Variants in METTL15 observed in about 807,000 individuals in gnomAD.
METTL15 encodes methyltransferase 15, mitochondrial 12S rRNA N4-cytidine, also known as 12S rRNA N(4)-cytidine methyltransferase METTL15.
A neutral mutation model predicts 38.3 loss-of-function variants in METTL15; 34 were observed. The ratio of observed to expected loss-of-function variants is 0.89; its 90% CI spans 0.68 to 1.18. The LOEUF (loss-of-function observed/expected upper bound fraction) is 1.18, where lower values mean the gene tolerates loss of function less well. Ranked by LOEUF, METTL15 falls within the 50% of genes most tolerant of loss-of-function variation. METTL15 has a pLI of 0.00. For missense variants in METTL15, 438 were observed against 498.4 expected (o/e 0.88, Z 1.15); for synonymous variants, 162 against 170.9 (o/e 0.95, Z 0.41).
chr11:28,334,823 A>C (rs1849886282), downstream of METTL15, among the ~76,000 whole-genome samples: 3 of 152,170 alleles, frequency 2.0e-5, no homozygotes, highest in Admixed American at 6.5e-5. Flanking sequence ...AAAATGAAGA[A>C]TTGTACAACA....
At chr11:28,239,404 A>G (rs751954461) in intron 4 of METTL15, among the ~76,000 whole-genome samples, 3 of 152,144 alleles carry the variant, frequency 2.0e-5, no homozygotes, top group Non-Finnish European at 4.4e-5. Context: ...CATTAACTCT[A>G]CCTTCAAGGT....
intron 4 of METTL15, among the ~76,000 whole-genome samples, chr11:28,260,404 C>T (rs1855154812): frequency 6.6e-6 from 1 of 152,148 alleles, no homozygotes; most frequent in Non-Finnish European, 1.5e-5. Flanking sequence ...GTTCTCTATA[C>T]TAGTTATCAT....
Position 28,296,932 on chromosome 11 carries a change from G to T in METTL15, c.778+1G>T, listed in dbSNP as rs763550679. 6.2e-6 allele frequency: 10 copies of T among 1,613,272 alleles called. No homozygotes were observed. Among genetic ancestry groups the T allele is most frequent in the Non-Finnish European group, 8.5e-6 (10 of 1,179,564 alleles). On this transcript the variant is annotated splice_donor_variant, in intron 6 of 6. Coordinates refer to ENST00000407364, the MANE Select transcript of METTL15 (RefSeq NM_001113528.2). LOFTEE classifies it high-confidence loss of function. ...CAGCAGCTTGCCAGCATCGTTGCAGGTAGCCTCATTAATTCTCAACAGTGT... is the reference window on the plus strand; with the variant it reads ...CAGCAGCTTGCCAGCATCGTTGCAGTTAGCCTCATTAATTCTCAACAGTGT...
intron 6 of METTL15, among the ~76,000 whole-genome samples, chr11:28,463,927 A>G (rs934639535): frequency 1.3e-5 from 2 of 152,100 alleles, no homozygotes; most frequent in Non-Finnish European, 2.9e-5. Context: ...GAGTGAAGGC[A>G]AGTGTAATCC....
At chr11:28,348,886 C>A (rs916248582) in intron 3 of METTL15, among the ~76,000 whole-genome samples, 1 of 152,162 alleles carries the variant, frequency 6.6e-6, no homozygotes, top group Non-Finnish European at 1.5e-5. Flanking sequence ...TTGAGTATTT[C>A]CTTTCTTTCT....
At chr11:28,260,576 TC>T (rs1855162212) in intron 4 of METTL15, among the ~76,000 whole-genome samples, 1 of 152,214 alleles carries the variant, frequency 6.6e-6, no homozygotes, top group African/African-American at 2.4e-5. Context: ...GTTGACTGAT[TC>T]GTTCCCAGAG....
chr11:28,508,660 C>G (rs1481998413), intron 6 of METTL15, among the ~76,000 whole-genome samples: 1 of 152,158 alleles, frequency 6.6e-6, no homozygotes, highest in African/African-American at 2.4e-5. Context: ...TTCATGGCCA[C>G]CAACTAATAG....
At chr11:28,249,803 G>A (rs1010263801) in intron 4 of METTL15, among the ~76,000 whole-genome samples, 1 of 151,834 alleles carries the variant, frequency 6.6e-6, no homozygotes, top group African/African-American at 2.4e-5. Flanking sequence ...TGGAGGTTTG[G>A]CGTATAGATT....
chr11:28,315,478 T>A (rs1020308292), intron 6 of METTL15, among the ~76,000 whole-genome samples: 2 of 152,128 alleles, frequency 1.3e-5, no homozygotes, highest in Admixed American at 1.3e-4. Flanking sequence ...AGGCATTCAG[T>A]TTTATAAGAG....
intron 3 of METTL15, among the ~76,000 whole-genome samples, chr11:28,350,241 G>A (rs1850029561): frequency 6.6e-6 from 1 of 152,068 alleles, no homozygotes; most frequent in Admixed American, 6.6e-5. Flanking sequence ...ACAAATTCTT[G>A]TTTCTTCCTT....
chr11:28,257,732 C>A (rs1855031529), intron 4 of METTL15, among the ~76,000 whole-genome samples: 1 of 152,090 alleles, frequency 6.6e-6, no homozygotes, highest in African/African-American at 2.4e-5. Flanking sequence ...ATTTCTGCTT[C>A]TTTTTAATTA....
intron 5 of METTL15, among the ~76,000 whole-genome samples, chr11:28,405,551 C>T (rs1283455875): frequency 2.0e-5 from 3 of 152,098 alleles, no homozygotes; most frequent in Admixed American, 6.6e-5. Context: ...GAAAATGTTC[C>T]ATATAATATT....
intron 3 of METTL15, among the ~76,000 whole-genome samples, chr11:28,169,628 T>G (rs1292374705): frequency 1.3e-5 from 2 of 152,158 alleles, no homozygotes; most frequent in Non-Finnish European, 2.9e-5. Context: ...AAACTTGTTT[T>G]TAACATAAGA....
chr11:28,113,216 T>C (rs910933600), intron 2 of METTL15, 102 bp from the exon 3 acceptor site: 3 of 775,254 alleles, frequency 3.9e-6, no homozygotes, highest in Non-Finnish European at 6.1e-6. Context: ...GTCTTAACTT[T>C]TTTTTGATGT....
chr11:28,175,394 G>A (rs1294336982), intron 3 of METTL15, among the ~76,000 whole-genome samples: 2 of 152,114 alleles, frequency 1.3e-5, no homozygotes, highest in African/African-American at 4.8e-5. Flanking sequence ...TGTGAATAGT[G>A]CTGTAATAAA....
intron 3 of METTL15, among the ~76,000 whole-genome samples, chr11:28,119,961 A>T (rs1439129308): frequency 6.6e-6 from 1 of 151,800 alleles, no homozygotes; most frequent in African/African-American, 2.4e-5. Context: ...ATCTTTTTAA[A>T]TTTTTTTTGA....
At chr11:28,171,636 A>G (rs566609196) in intron 3 of METTL15, among the ~76,000 whole-genome samples, 1 of 152,290 alleles carries the variant, frequency 6.6e-6, no homozygotes, top group African/African-American at 2.4e-5. Flanking sequence ...CATTTGAGCA[A>G]TGCTAAATAT....
intron 6 of METTL15, among the ~76,000 whole-genome samples, chr11:28,319,177 G>C (rs534519288): frequency 6.6e-6 from 1 of 152,204 alleles, no homozygotes; most frequent in South Asian, 2.1e-4. Flanking sequence ...CTCAGTAAAA[G>C]CCTATTCAGG....
intron 3 of METTL15, among the ~76,000 whole-genome samples, chr11:28,132,211 C>T (rs1223504696): frequency 6.6e-6 from 1 of 152,070 alleles, no homozygotes; most frequent in Non-Finnish European, 1.5e-5. Flanking sequence ...TAAAAACGAA[C>T]CTCTTTTTTT....
Sources: gnomAD v4.1 joint callset for allele counts (sites outside exome capture counted in the v4.1 genomes callset) on GRCh38, gnomAD v4.1.1 for gene constraint, MANE v1.5 for transcripts, NCBI Gene and HGNC (gene_info 2026-07-23, HGNC 2026-07-21) for gene names.